Variants in CPT2 observed in about 807,000 individuals in gnomAD.
CPT2 encodes carnitine O-palmitoyltransferase 2, mitochondrial.
A neutral mutation model predicts 48.6 loss-of-function variants in CPT2; 37 were observed. The observed-to-expected ratio is 0.76, with a 90% confidence interval of 0.59 to 1.00. The LOEUF (loss-of-function observed/expected upper bound fraction) is 1.00. Ranked by LOEUF, CPT2 falls within the 50% of genes least tolerant of loss-of-function variation. CPT2 has a pLI of 0.00. For missense variants in CPT2, 772 were observed against 825.6 expected (o/e 0.94, Z 0.80); for synonymous variants, 319 against 326.9 (o/e 0.98, Z 0.26).
rs1270720547 is a variant in CPT2, at chr1:53,196,977, C to G, written c.34C>G (p.Arg12Gly). Reference protein sequence around the residue: ...VPRLLLRAWPRGPAVGPGAPS... With the variant: ...VPRLLLRAWPGGPAVGPGAPS... ...CCGCCTGCTGCTGCGCGCCTGGCCC[C>G]GGGGCCCCGCGGTTGGTCCGGGAGC... Residue 12 changes from arginine to glycine, a missense_variant, in exon 1 of 5, where the codon CGG becomes GGG. By Grantham distance (125) the Arg-to-Gly change is moderately radical (BLOSUM62 -2). Coordinates refer to ENST00000371486, the MANE Select transcript of CPT2 (RefSeq NM_000098.3). The G allele has an allele frequency of 6.5e-7, 1 of 1,527,510 alleles. No individual in the cohort carries two copies. The allele number at this position is 1,527,510 out of a possible 1,614,324, so 94.6% of individuals were successfully genotyped here.
chr1:53,210,503 C>G lies in CPT2; in HGVS notation c.829C>G (p.Leu277Val), dbSNP rs1645416221. 6.2e-7 allele frequency: 1 copy of G among 1,614,122 alleles called. No individual in the cohort carries two copies. Among genetic ancestry groups the G allele is most frequent in the South Asian group, 1.1e-5 (1 of 91,078 alleles). Residue 277 changes from leucine to valine, a missense_variant, in exon 4 of 5, where the codon CTC becomes GTC. By Grantham distance (32) the Leu-to-Val change is conservative. Coordinates refer to ENST00000371486, the MANE Select transcript of CPT2 (RefSeq NM_000098.3). ...AATCCAGGCACATCTGAAGTACATT[C>G]TCTCAGACAGCAGCCCCGCCCCCGA... ...SEIQAHLKYI[L>V]SDSSPAPEFP...
At chr1:53,206,056 C>T (rs1157329373) in intron 3 of CPT2, among the ~76,000 whole-genome samples, 1 of 151,816 alleles carries the variant, frequency 6.6e-6, no homozygotes, top group Non-Finnish European at 1.5e-5. Context: ...TGGTGGCGTG[C>T]ACCTGTGTCC....
At position 53,210,732 on chromosome 1, in the gene CPT2, A is replaced by C; in HGVS notation, c.1058A>C (p.Asp353Ala). ...GGGGATGGCACAAACCGCTGGTTTG[A>C]TAAATCCTTTAACCTCATTATCGCC... Reference protein sequence around the residue: ...LHGDGTNRWFDKSFNLIIAKD... With the variant: ...LHGDGTNRWFAKSFNLIIAKD... Residue 353 changes from aspartate (D) to alanine (A), a missense_variant, in exon 4 of 5, where the codon GAT becomes GCT. Asp to Ala is a moderately radical substitution (Grantham distance 126, BLOSUM62 -2). Transcript: ENST00000371486. The C allele has an allele frequency of 6.2e-7, 1 of 1,614,220 alleles. No individual in the cohort carries two copies.
intron 1 of CPT2, among the ~76,000 whole-genome samples, chr1:53,199,462 T>A (rs1398370557): frequency 6.6e-6 from 1 of 152,238 alleles, no homozygotes; most frequent in Non-Finnish European, 1.5e-5. Flanking sequence ...AGTGCTGGGA[T>A]TACAGGTGTG....
chr1:53,200,372 G>C (rs1645346924), intron 1 of CPT2: 1 of 202,974 alleles, frequency 4.9e-6, no homozygotes, highest in Non-Finnish European at 1.0e-5. Context: ...ACTAAGGGTA[G>C]AATTAAATCA....
Position 53,210,865 on chromosome 1 carries a change from C to T in CPT2, c.1191C>T (p.Val397=), listed in dbSNP as rs1321099565. The T allele has an allele frequency of 1.2e-6, 2 of 1,614,178 alleles. No individual in the cohort carries two copies. Among genetic ancestry groups the T allele is most frequent in the Non-Finnish European group, 1.7e-6 (2 of 1,180,034 alleles). ...VFKDSTQTPA[V]TPQSQPATTD... is the part of the protein sequence containing the mutation. ...AAGACAGCACTCAGACCCCTGCCGT[C>T]ACTCCACAGAGCCAGCCAGCTACCA... Residue 397 remains valine (V), a synonymous_variant, in exon 4 of 5, where the codon GTC becomes GTT. Coordinates refer to ENST00000371486, the MANE Select transcript of CPT2 (RefSeq NM_000098.3).
chr1:53,197,668 C>G (rs1209795692), intron 1 of CPT2, among the ~76,000 whole-genome samples: 1 of 151,960 alleles, frequency 6.6e-6, no homozygotes, highest in African/African-American at 2.4e-5. Flanking sequence ...GAAGTGTTCA[C>G]CCTTGTCCTC....
In CPT2 at chr1:53,197,209, C is replaced by T. The variant is rs1645329362; in HGVS notation, c.152+114C>T. ...ACCCGTTTCCGCCCCCAAGCCCCTA[C>T]CATGGAGGCTGCCACAGCCCCTAAT... On this transcript the variant is annotated intron_variant, in intron 1 of 4. Coordinates refer to ENST00000371486, the MANE Select transcript of CPT2 (RefSeq NM_000098.3). The T allele has an allele frequency of 3.9e-6, 5 of 1,293,684 alleles. No homozygotes were observed. In the Admixed American group the frequency reaches 7.9e-5, roughly 20 times the overall value. The allele number at this position is 1,293,684 out of a possible 1,614,324, so 80.1% of individuals were successfully genotyped here.
At chr1:53,203,511 A>C (rs1416955176) in intron 3 of CPT2, 1 of 152,160 alleles carries the variant, frequency 6.6e-6, no homozygotes, top group Non-Finnish European at 1.5e-5. Context: ...TGTGCTTACT[A>C]ATTTACCCCC....
Position 53,213,736 on chromosome 1 carries a change from C to A in CPT2, c.*141C>A, listed in dbSNP as rs1040632136. 2.0e-5 allele frequency: 15 copies of A among 738,738 alleles called. No individual in the cohort carries two copies. The highest frequency in any genetic ancestry group is 3.2e-5 in the Non-Finnish European group (14 of 434,454). The allele number at this position is 738,738 out of a possible 1,614,324, so 45.8% of individuals were successfully genotyped here. On this transcript the variant is annotated 3_prime_UTR_variant, in exon 5 of 5. Transcript: ENST00000371486. ...TTGAGGTCAGGAGTTTGAGACCAAC[C>A]TGGCCAACATGGTGAAACCTTGTCT... is the stretch of plus-strand genomic sequence containing the variant.
chr1:53,210,560 C>T lies in CPT2; in HGVS notation c.886C>T (p.Arg296Ter), dbSNP rs727503887. 1.1e-5 allele frequency: 18 copies of T among 1,614,008 alleles called. No homozygotes were observed. The highest frequency in any genetic ancestry group is 4.0e-5 in the African/African-American group (3 of 74,888). Reference protein sequence around the residue: ...FPLAYLTSENRDIWAELRQKL... With the variant: ...FPLAYLTSEN ...CCTGGCATACCTGACCAGTGAGAAC[C>T]GAGACATCTGGGCAGAGCTCAGGCA... Residue 296 changes from arginine (R) to a stop codon, truncating the protein, a stop_gained, in exon 4 of 5, where the codon CGA becomes TGA. Coordinates refer to ENST00000371486, the MANE Select transcript of CPT2 (RefSeq NM_000098.3). LOFTEE classifies it high-confidence loss of function.
chr1:53,213,252 T>C lies in CPT2; in HGVS notation c.1646-12T>C. The C allele has an allele frequency of 6.2e-7, 1 of 1,613,990 alleles. No homozygotes were observed. ...ATCCTGAGACTCTGGTTTTCCATTT[T>C]GTTTCTCACAGGCCAGGGCTTTGAC... On this transcript the variant is annotated splice_polypyrimidine_tract_variant and intron_variant, in intron 4 of 4. Coordinates refer to ENST00000371486, the MANE Select transcript of CPT2 (RefSeq NM_000098.3).
In CPT2 at chr1:53,210,044, C is replaced by G. The variant is rs201065226; in HGVS notation, c.370C>G (p.Arg124Gly). The G allele has an allele frequency of 6.2e-7, 1 of 1,613,720 alleles. No individual in the cohort carries two copies. Among genetic ancestry groups the G allele is most frequent in the Non-Finnish European group, 8.5e-7 (1 of 1,179,872 alleles). Residue 124 changes from arginine (R) to glycine (G), a missense_variant, in exon 4 of 5, where the codon CGA (arginine) becomes GGA (glycine). Coordinates refer to ENST00000371486, the MANE Select transcript of CPT2 (RefSeq NM_000098.3). ...GPWFDMYLSA[R>G]DSVVLNFNPF... ...CTGGTTTGATATGTACCTATCTGCT[C>G]GAGACTCCGTTGTTCTGAACTTTAA...
Position 53,213,397 on chromosome 1 carries a change from C to A in CPT2, c.1779C>A (p.Ser593Arg). Residue 593 changes from serine to arginine, a missense_variant, in exon 5 of 5, where the codon AGC becomes AGA. By Grantham distance (110) the Ser-to-Arg change is moderately radical (BLOSUM62 -1). Transcript: ENST00000371486. The part of the protein sequence containing the change: ...NHNVLSTSTL[S>R]SPAVNLGGFA... ...ATGTCCTGTCCACGAGCACACTGAG[C>A]AGCCCAGCAGTGAACCTTGGGGGCT... 3 of 1,614,262 alleles carry A rather than the reference C, an allele frequency of 1.9e-6. No homozygotes were observed. Among genetic ancestry groups the A allele is most frequent in the Non-Finnish European group, 2.5e-6 (3 of 1,180,050 alleles).
chr1:53,210,436 T>G lies in CPT2; in HGVS notation c.762T>G (p.Phe254Leu), dbSNP rs1645415592. The change falls in exon 4 of 5, where the codon TTT becomes TTG. Residue 254 changes from phenylalanine to leucine, a missense_variant. Transcript: ENST00000371486. ...TAAGGAAAGGAAATTTTTATATCTT[T>G]GATGTCCTGGATCAAGATGGGAACA... ...LVLRKGNFYI[F>L]DVLDQDGNIV... 1 of 1,614,050 alleles carries G rather than the reference T, an allele frequency of 6.2e-7. No individual in the cohort carries two copies. The highest frequency in any genetic ancestry group is 1.7e-5 in the Admixed American group (1 of 60,004).
At chr1:53,206,214 C>T (rs1645388727) in intron 3 of CPT2, among the ~76,000 whole-genome samples, 1 of 151,660 alleles carries the variant, frequency 6.6e-6, no homozygotes, top group Admixed American at 6.6e-5. Flanking sequence ...GAGACAACCT[C>T]CTCCTACATT....
chr1:53,205,907 G>T (rs539606553), intron 3 of CPT2, among the ~76,000 whole-genome samples: 1 of 152,340 alleles, frequency 6.6e-6, no homozygotes, highest in East Asian at 1.9e-4. Context: ...GTCCGGCCGG[G>T]TGCGGTGGCT....
At chr1:53,201,293 T>G (rs3766759) in intron 2 of CPT2, 96,530 of 195,996 alleles carry the variant, frequency 0.49, 25,666 homozygotes, top group East Asian at 0.83. Context: ...TACTGGAGTA[T>G]TGTGGGTCCT....
At chr1:53,200,480 AT>A in intron 1 of CPT2, 1 of 434,476 alleles carries the variant, frequency 2.3e-6, no homozygotes, top group Non-Finnish European at 4.2e-6. Context: ...TATTATTGTT[AT>A]TTAAAATAAT....
Sources: gnomAD v4.1 joint callset for allele counts (sites outside exome capture counted in the v4.1 genomes callset) on GRCh38, gnomAD v4.1.1 for gene constraint, MANE v1.5 for transcripts, NCBI Gene and HGNC (gene_info 2026-07-23, HGNC 2026-07-21) for gene names.